PGP: variants seen among roughly 807,000 people sequenced by gnomAD.
PGP encodes aspartate-based ubiquitous Mg(2+)-dependent phosphatase.
Under a neutral mutation model 19.3 loss-of-function variants are expected in PGP, and 9 were observed. The observed-to-expected ratio is 0.47, with a 90% confidence interval of 0.28 to 0.81. The LOEUF is 0.81. Among genes scored for constraint, PGP ranks in the 40% least tolerant of loss-of-function variants. The pLI, the probability that PGP is intolerant of heterozygous loss-of-function variation, is 0.11. For synonymous variants in PGP, 308 were observed against 226.8 expected (o/e 1.36, Z -3.22); for missense variants, 403 against 479.9 (o/e 0.84, Z 1.50).
chr16:2,214,086 G>A lies in PGP; in HGVS notation c.641-33C>T. 6.3e-7 allele frequency: 1 copy of A among 1,589,142 alleles called. No homozygotes were observed. The highest frequency in any genetic ancestry group is 8.5e-7 in the Non-Finnish European group (1 of 1,173,976). On this transcript the variant is annotated intron_variant, in intron 1 of 1. Transcript: ENST00000333503. This position sits in a 1 kb window ranked among gnomAD's most constrained non-coding sequence, Gnocchi z 7.1. ...GCACAGGGGACCGGGTCAAAGGGCAGGGAGGGGGCCCGCCGCCCGCCCCCC... is the reference window on the plus strand; with the variant it reads ...GCACAGGGGACCGGGTCAAAGGGCAAGGAGGGGGCCCGCCGCCCGCCCCCC...
chr16:2,212,646 G>C lies in PGP; in HGVS notation c.*1082C>G. Reference sequence around the variant, plus strand: ...AGGACAGGAAGAGACTGGATGCTTTGTAAAGGACTTCCTGTTCTTGGGGAC... The same window carrying C: ...AGGACAGGAAGAGACTGGATGCTTTCTAAAGGACTTCCTGTTCTTGGGGAC... On this transcript the variant is annotated 3_prime_UTR_variant, in exon 2 of 2. Coordinates refer to ENST00000333503, the MANE Select transcript of PGP (RefSeq NM_001042371.3). 1.0e-6 allele frequency: 1 copy of C among 985,496 alleles called. No homozygotes were observed. The highest frequency in any genetic ancestry group is 1.2e-6 in the Non-Finnish European group (1 of 829,948). 61.0% of individuals were successfully genotyped at this position (985,496 alleles called of 1,614,324 possible).
At position 2,211,751 on chromosome 16, in the gene PGP, G is replaced by C. The variant is rs1366006384; in HGVS notation, c.*1977C>G. On this transcript the variant is annotated 3_prime_UTR_variant, in exon 2 of 2. Coordinates refer to ENST00000333503, the MANE Select transcript of PGP (RefSeq NM_001042371.3). ...CTTCTGAGCTCTGCTCCCTGCCCTGGGCGCTCTGACACGGCAGCCCACCAG... is the reference window on the plus strand; with the variant it reads ...CTTCTGAGCTCTGCTCCCTGCCCTGCGCGCTCTGACACGGCAGCCCACCAG... 1 of 985,360 alleles carries C rather than the reference G, an allele frequency of 1.0e-6. No individual in the cohort carries two copies. The highest frequency in any genetic ancestry group is 1.2e-6 in the Non-Finnish European group (1 of 830,004). 61.0% of individuals were successfully genotyped at this position (985,360 alleles called of 1,614,324 possible). A position where few individuals can be genotyped will look rare whatever the true frequency, so the allele number is the denominator to read the frequency against.
Position 2,211,914 on chromosome 16 carries a change from A to G in PGP, c.*1814T>C. On this transcript the variant is annotated 3_prime_UTR_variant, in exon 2 of 2. Coordinates refer to ENST00000333503, the MANE Select transcript of PGP (RefSeq NM_001042371.3). ...TCTGGAGTTGGAACCCCAGTTACCCATCTACTTTGAGTCCTCCCACCCGTG... is the reference window on the plus strand; with the variant it reads ...TCTGGAGTTGGAACCCCAGTTACCCGTCTACTTTGAGTCCTCCCACCCGTG... The G allele has an allele frequency of 1.0e-6, 1 of 985,464 alleles. No homozygotes were observed. Among genetic ancestry groups the G allele is most frequent in the African/African-American group, 1.7e-5 (1 of 57,348 alleles). 61.0% of individuals were successfully genotyped at this position (985,464 alleles called of 1,614,324 possible). A position where few individuals can be genotyped will look rare whatever the true frequency, so the allele number is the denominator to read the frequency against.
Position 2,212,026 on chromosome 16 carries a change from C to T in PGP, c.*1702G>A, listed in dbSNP as rs571490950. 3.9e-5 allele frequency: 38 copies of T among 985,510 alleles called. No individual in the cohort carries two copies. The South Asian group carries it at 4.2e-4, about 11-fold the overall frequency. The allele number at this position is 985,510 out of a possible 1,614,324, so 61.0% of individuals were successfully genotyped here. A position where few individuals can be genotyped will look rare whatever the true frequency, so the allele number is the denominator to read the frequency against. Reference sequence around the variant, plus strand: ...TTTGAGAGTTTAATCTGTGCTCTGGCGCCCACAGTGCTGCAGCCCCTCATG... The same window carrying T: ...TTTGAGAGTTTAATCTGTGCTCTGGTGCCCACAGTGCTGCAGCCCCTCATG... On this transcript the variant is annotated 3_prime_UTR_variant, in exon 2 of 2. Coordinates refer to ENST00000333503, the MANE Select transcript of PGP (RefSeq NM_001042371.3).
In PGP at chr16:2,211,934, C is replaced by T. The variant is rs2093376370; in HGVS notation, c.*1794G>A. On this transcript the variant is annotated 3_prime_UTR_variant, in exon 2 of 2. Coordinates refer to ENST00000333503, the MANE Select transcript of PGP (RefSeq NM_001042371.3). ...TACCCATCTACTTTGAGTCCTCCCA[C>T]CCGTGGTGAGACGGCATCACCCGGG... 12 of 985,552 alleles carry T rather than the reference C, an allele frequency of 1.2e-5. No individual in the cohort carries two copies. Among genetic ancestry groups the T allele is most frequent in the Non-Finnish European group, 1.4e-5 (12 of 829,992 alleles). 61.1% of individuals were successfully genotyped at this position (985,552 alleles called of 1,614,324 possible).
rs1384344057 is a variant in PGP, at chr16:2,214,130, G to T, written c.640+8C>A. On this transcript the variant is annotated splice_region_variant and intron_variant, in intron 1 of 1. Coordinates refer to ENST00000333503, the MANE Select transcript of PGP (RefSeq NM_001042371.3). This position sits in a 1 kb window ranked among gnomAD's most constrained non-coding sequence, Gnocchi z 7.1. ...GCCCCCCAGCCTCCCGCCCCAGGGC[G>T]CACGGACCCGCGATGAAGCGGCCGT... The T allele has an allele frequency of 4.4e-6, 6 of 1,378,334 alleles. No homozygotes were observed. The highest frequency in any genetic ancestry group is 4.8e-6 in the Non-Finnish European group (5 of 1,047,290). 85.4% of individuals were successfully genotyped at this position (1,378,334 alleles called of 1,614,324 possible).
chr16:2,214,680 A>C lies in PGP; in HGVS notation c.98T>G (p.Phe33Cys). 7.0e-7 allele frequency: 1 copy of C among 1,427,566 alleles called. No individual in the cohort carries two copies. Among genetic ancestry groups the C allele is most frequent in the Non-Finnish European group, 9.2e-7 (1 of 1,089,850 alleles). 88.4% of individuals were successfully genotyped at this position (1,427,566 alleles called of 1,614,324 possible). ...GCGCCACAGCACGCCGTCGCAGTCG[A>C]ACAGCAGCGTGTCCACGTCGGCCAG... ...ALLADVDTLL[F>C]DCDGVLWRGE... Residue 33 changes from phenylalanine (F) to cysteine (C), a missense_variant, in exon 1 of 2, where the codon TTC (phenylalanine) becomes TGC (cysteine). Phe to Cys is a radical substitution (Grantham distance 205). Coordinates refer to ENST00000333503, the MANE Select transcript of PGP (RefSeq NM_001042371.3). The surrounding 1 kb of genome is among the most constrained non-coding windows in gnomAD (Gnocchi z 7.1).
In PGP at chr16:2,211,615, A is replaced by G. The variant is rs754145811; in HGVS notation, c.*2113T>C. The G allele has an allele frequency of 1.3e-5, 12 of 902,060 alleles. No homozygotes were observed. The highest frequency in any genetic ancestry group is 1.6e-5 in the Non-Finnish European group (12 of 754,028). 55.9% of individuals were successfully genotyped at this position (902,060 alleles called of 1,614,324 possible). A position where few individuals can be genotyped will look rare whatever the true frequency, so the allele number is the denominator to read the frequency against. On this transcript the variant is annotated 3_prime_UTR_variant, in exon 2 of 2. Coordinates refer to ENST00000333503, the MANE Select transcript of PGP (RefSeq NM_001042371.3). ...GTATTTTTAGTAGAGATGGGTTTTC[A>G]CCATTTTGGCCAGGCTGGTCTTGAA...
chr16:2,214,530 C>G lies in PGP; in HGVS notation c.248G>C (p.Arg83Pro), dbSNP rs2093383131. Residue 83 changes from arginine (R) to proline (P), a missense_variant, in exon 1 of 2, where the codon CGC becomes CCC. Physicochemically the swap from Arg to Pro is moderately radical, Grantham distance 103 (BLOSUM62 -2). Coordinates refer to ENST00000333503, the MANE Select transcript of PGP (RefSeq NM_001042371.3). This position sits in a 1 kb window ranked among gnomAD's most constrained non-coding sequence, Gnocchi z 7.1. ...TRAAYAEKLR[R>P]LGFGGPAGPG... The stretch of plus-strand genomic sequence containing the variant: ...CCCCGCGGGGCCGCCGAAGCCCAGG[C>G]GCCGCAGCTTCTCGGCGTAGGCAGC... 1 of 1,448,206 alleles carries G rather than the reference C, an allele frequency of 6.9e-7. No homozygotes were observed. Among genetic ancestry groups the G allele is most frequent in the Admixed American group, 2.5e-5 (1 of 39,496 alleles). 89.7% of individuals were successfully genotyped at this position (1,448,206 alleles called of 1,614,324 possible).
At position 2,213,215 on chromosome 16, in the gene PGP, G is replaced by A. The variant is rs1279886030; in HGVS notation, c.*513C>T. On this transcript the variant is annotated 3_prime_UTR_variant, in exon 2 of 2. Coordinates refer to ENST00000333503, the MANE Select transcript of PGP (RefSeq NM_001042371.3). The stretch of plus-strand genomic sequence containing the variant: ...AGGGAGATGCCACCTGGGAGCAGCC[G>A]CCTCCTCCACTCCCACCCTGCTGGG... 2 of 985,600 alleles carry A rather than the reference G, an allele frequency of 2.0e-6. No individual in the cohort carries two copies. Among genetic ancestry groups the A allele is most frequent in the African/African-American group, 1.7e-5 (1 of 57,236 alleles). 61.1% of individuals were successfully genotyped at this position (985,600 alleles called of 1,614,324 possible).
Position 2,212,931 on chromosome 16 carries a change from C to T in PGP, c.*797G>A. 1.1e-6 allele frequency: 1 copy of T among 946,146 alleles called. No homozygotes were observed. Among genetic ancestry groups the T allele is most frequent in the Non-Finnish European group, 1.3e-6 (1 of 798,122 alleles). The allele number at this position is 946,146 out of a possible 1,614,324, so 58.6% of individuals were successfully genotyped here. On this transcript the variant is annotated 3_prime_UTR_variant, in exon 2 of 2. Coordinates refer to ENST00000333503, the MANE Select transcript of PGP (RefSeq NM_001042371.3). ...GTTGTTCAAAGTTAAAAACTGGTAG[C>T]AGCACTGCTCTGAGCTCCCTGCACT...
rs1445154882 is a variant in PGP at position 2,214,222 on chromosome 16, G to A, written c.556C>T (p.Arg186Cys). Residue 186 changes from arginine to cysteine, a missense_variant, in exon 1 of 2, where the codon CGC becomes TGC. Arg to Cys is a radical substitution (Grantham distance 180, BLOSUM62 -3). Coordinates refer to ENST00000333503, the MANE Select transcript of PGP (RefSeq NM_001042371.3). This position sits in a 1 kb window ranked among gnomAD's most constrained non-coding sequence, Gnocchi z 7.1. The part of the protein sequence containing the change: ...FSYMKLTKAL[R>C]YLQQPGCLLV... ...AGGCAGCCGGGCTGCTGCAGGTAGCGCAGGGCCTTGGTGAGCTTCATGTAG... is the reference window on the plus strand; with the variant it reads ...AGGCAGCCGGGCTGCTGCAGGTAGCACAGGGCCTTGGTGAGCTTCATGTAG... 1 of 1,595,072 alleles carries A rather than the reference G, an allele frequency of 6.3e-7. No homozygotes were observed. The highest frequency in any genetic ancestry group is 1.7e-5 in the Admixed American group (1 of 59,768).
chr16:2,214,718 C>T lies in PGP; in HGVS notation c.60G>A (p.Arg20=). Residue 20 remains arginine, a synonymous_variant, in exon 1 of 2, where the codon CGG becomes CGA. Transcript: ENST00000333503. The surrounding 1 kb of genome is among the most constrained non-coding windows in gnomAD (Gnocchi z 7.1). ...CCACGTCGGCCAGCAGCGCCTGTGC[C>T]CGCTCGGCGCTCAGCCGCACGCAGC... ...DARCVRLSAE[R]AQALLADVDT... is the part of the protein sequence containing the mutation. The T allele has an allele frequency of 7.4e-7, 1 of 1,355,256 alleles. No homozygotes were observed. Among genetic ancestry groups the T allele is most frequent in the Non-Finnish European group, 9.5e-7 (1 of 1,051,352 alleles). The allele number at this position is 1,355,256 out of a possible 1,614,324, so 84.0% of individuals were successfully genotyped here. A position where few individuals can be genotyped will look rare whatever the true frequency, so the allele number is the denominator to read the frequency against.
Position 2,213,793 on chromosome 16 carries a change from T to C in PGP, c.901A>G (p.Lys301Glu). ...ACATAGAAGTCAGGGACCATTTTCT[T>C]CTTAGACACGCAGTCACTTTCCTGA... is the stretch of plus-strand genomic sequence containing the variant. ...NNQESDCVSK[K>E]KMVPDFYVDS... Residue 301 changes from lysine (K) to glutamate (E), a missense_variant, in exon 2 of 2, where the codon AAG becomes GAG. By Grantham distance (56) the Lys-to-Glu change is moderately conservative. Transcript: ENST00000333503. The C allele has an allele frequency of 6.3e-7, 1 of 1,599,546 alleles. No individual in the cohort carries two copies. The highest frequency in any genetic ancestry group is 1.1e-5 in the South Asian group (1 of 90,312).
Position 2,212,430 on chromosome 16 carries a change from A to C in PGP, c.*1298T>G. 1.0e-6 allele frequency: 1 copy of C among 985,734 alleles called. No homozygotes were observed. Among genetic ancestry groups the C allele is most frequent in the Non-Finnish European group, 1.2e-6 (1 of 830,040 alleles). The allele number at this position is 985,734 out of a possible 1,614,324, so 61.1% of individuals were successfully genotyped here. On this transcript the variant is annotated 3_prime_UTR_variant, in exon 2 of 2. Coordinates refer to ENST00000333503, the MANE Select transcript of PGP (RefSeq NM_001042371.3). Reference sequence around the variant, plus strand: ...GCAGCATCCCGGGATGGCCCTGCTGAGTCTGCTGTCAGGCCTGTGAAAGGT... The same window carrying C: ...GCAGCATCCCGGGATGGCCCTGCTGCGTCTGCTGTCAGGCCTGTGAAAGGT...
At position 2,212,012 on chromosome 16, in the gene PGP, A is replaced by T; in HGVS notation, c.*1716T>A. On this transcript the variant is annotated 3_prime_UTR_variant, in exon 2 of 2. Transcript: ENST00000333503. ...TGAGCCAGTGTGGGTTTGAGAGTTTAATCTGTGCTCTGGCGCCCACAGTGC... is the reference window on the plus strand; with the variant it reads ...TGAGCCAGTGTGGGTTTGAGAGTTTTATCTGTGCTCTGGCGCCCACAGTGC... 1 of 985,510 alleles carries T rather than the reference A, an allele frequency of 1.0e-6. No homozygotes were observed. The highest frequency in any genetic ancestry group is 1.2e-6 in the Non-Finnish European group (1 of 829,984). 61.0% of individuals were successfully genotyped at this position (985,510 alleles called of 1,614,324 possible). A position where few individuals can be genotyped will look rare whatever the true frequency, so the allele number is the denominator to read the frequency against.
rs961130263 is a variant in PGP, at chr16:2,214,809, C to T, written c.-32G>A. On this transcript the variant is annotated 5_prime_UTR_variant, in exon 1 of 2. Coordinates refer to ENST00000333503, the MANE Select transcript of PGP (RefSeq NM_001042371.3). This position sits in a 1 kb window ranked among gnomAD's most constrained non-coding sequence, Gnocchi z 7.1. ...CCGCCGGCCGCCGCCGCCCGCCGGC[C>T]GCTCCTCGCAGCCGCCCGCCGCGGC... 3.6e-6 allele frequency: 3 copies of T among 822,206 alleles called. No individual in the cohort carries two copies. Among genetic ancestry groups the T allele is most frequent in the African/African-American group, 1.9e-5 (1 of 53,604 alleles). The allele number at this position is 822,206 out of a possible 1,614,324, so 50.9% of individuals were successfully genotyped here. A position where few individuals can be genotyped will look rare whatever the true frequency, so the allele number is the denominator to read the frequency against.
In PGP at chr16:2,213,986, G is replaced by A. The variant is rs1214194746; in HGVS notation, c.708C>T (p.Pro236=). 1 of 1,609,070 alleles carries A rather than the reference G, an allele frequency of 6.2e-7. No individual in the cohort carries two copies. The highest frequency in any genetic ancestry group is 1.3e-5 in the African/African-American group (1 of 74,838). The part of the protein sequence containing the change: ...AQRQADIIGK[P]SRFIFDCVSQ... ...ACACGCAGTCGAAAATGAAGCGGCT[G>A]GGCTTCCCGATGATGTCGGCCTGGC... The change falls in exon 2 of 2, where the codon CCC becomes CCT. Residue 236 remains proline, a synonymous_variant. Coordinates refer to ENST00000333503, the MANE Select transcript of PGP (RefSeq NM_001042371.3).
At position 2,214,767 on chromosome 16, in the gene PGP, G is replaced by T; in HGVS notation, c.11C>A (p.Ala4Glu). ...GCGGGCGTCGTCGCCACCGGCCTCC[G>T]CCGCCGCCATCGCCGCCCGCCGGCC... is the stretch of plus-strand genomic sequence containing the variant. MAA[A>E]EAGGDDARCV... The change falls in exon 1 of 2, where the codon GCG (alanine) becomes GAG (glutamate). Residue 4 changes from alanine to glutamate, a missense_variant. By Grantham distance (107) the Ala-to-Glu change is moderately radical. Coordinates refer to ENST00000333503, the MANE Select transcript of PGP (RefSeq NM_001042371.3). The surrounding 1 kb of genome is among the most constrained non-coding windows in gnomAD (Gnocchi z 7.1). 9.0e-7 allele frequency: 1 copy of T among 1,112,674 alleles called. No individual in the cohort carries two copies. Among genetic ancestry groups the T allele is most frequent in the Non-Finnish European group, 1.1e-6 (1 of 908,904 alleles). The allele number at this position is 1,112,674 out of a possible 1,614,324, so 68.9% of individuals were successfully genotyped here.
Sources: allele counts gnomAD v4.1 joint callset, GRCh38; gene constraint gnomAD v4.1.1; non-coding constraint Gnocchi (gnomAD v3.1); transcripts MANE v1.5; gene names NCBI Gene and HGNC (gene_info 2026-07-23, HGNC 2026-07-21).